Variants in DUS4L observed in about 807,000 individuals in gnomAD.
DUS4L encodes tRNA-dihydrouridine(20a/20b) synthase [NAD(P)+]-like.
Under a neutral mutation model 33.8 loss-of-function variants are expected in DUS4L, and 31 were observed. That is an observed-to-expected ratio of 0.92 (90% CI 0.69 to 1.24). DUS4L has a LOEUF of 1.24. Among genes scored for constraint, DUS4L ranks in the 50% most tolerant of loss-of-function variants. DUS4L has a pLI of 0.00. For missense variants in DUS4L, 368 were observed against 388.6 expected (o/e 0.95, Z 0.45); for synonymous variants, 103 against 120.3 (o/e 0.86, Z 0.94).
At position 107,564,110 on chromosome 7, in the gene DUS4L, C is replaced by G; in HGVS notation, c.-210C>G. On this transcript the variant is annotated 5_prime_UTR_variant, in exon 1 of 8. Coordinates refer to ENST00000265720, the MANE Select transcript of DUS4L (RefSeq NM_181581.3). The stretch of plus-strand genomic sequence containing the variant: ...TCCGAGTGCTCTGCGCCCAGCGCAC[C>G]GAGGGAGCCAAGGCCGTCGGGCCGG... 1.7e-6 allele frequency: 2 copies of G among 1,158,872 alleles called. No individual in the cohort carries two copies. 71.8% of individuals were successfully genotyped at this position (1,158,872 alleles called of 1,614,324 possible).
intron 3 of DUS4L, 50 bp downstream of exon 3, chr7:107,567,236 G>A (rs752823751): frequency 6.5e-6 from 10 of 1,541,802 alleles, no homozygotes; most frequent in Non-Finnish European, 8.9e-6. Flanking sequence ...TCCCTTTTAT[G>A]CTCTGACTTT....
Position 107,567,168 on chromosome 7 carries a change from C to T in DUS4L, c.98C>T (p.Pro33Leu), listed in dbSNP as rs745462122. 73 of 1,612,234 alleles carry T rather than the reference C, an allele frequency of 4.5e-5. No homozygotes were observed. The highest frequency in any genetic ancestry group is 6.1e-5 in the Non-Finnish European group (72 of 1,179,148). ...GGACAGCTGGTAAAAGTCTGTGCCC[C>T]AATGGTTCGATATTCAAAGTAAGTG... ...HSGQLVKVCA[P>L]MVRYSKLAFR... The change falls in exon 3 of 8, where the codon CCA (proline) becomes CTA (leucine). Residue 33 changes from proline to leucine, a missense_variant. Pro to Leu is a moderately conservative substitution (Grantham distance 98). Coordinates refer to ENST00000265720, the MANE Select transcript of DUS4L (RefSeq NM_181581.3).
intron 2 of DUS4L, among the ~76,000 whole-genome samples, chr7:107,566,689 A>G (rs945324195): frequency 3.9e-5 from 6 of 152,174 alleles, no homozygotes; most frequent in Non-Finnish European, 8.8e-5. Context: ...CGAGTATCAT[A>G]TATAAAATAA....
Position 107,567,123 on chromosome 7 carries a change from C to A in DUS4L, c.53C>A (p.Pro18His). The A allele has an allele frequency of 6.2e-7, 1 of 1,613,450 alleles. No homozygotes were observed. Among genetic ancestry groups the A allele is most frequent in the Non-Finnish European group, 8.5e-7 (1 of 1,179,668 alleles). Residue 18 changes from proline to histidine, a missense_variant, in exon 3 of 8, where the codon CCC (proline) becomes CAC (histidine). By Grantham distance (77) the Pro-to-His change is moderately conservative. Coordinates refer to ENST00000265720, the MANE Select transcript of DUS4L (RefSeq NM_181581.3). ...TTICQERKKDPIEMFHSGQLV... is the reference protein window; with the variant it reads ...TTICQERKKDHIEMFHSGQLV... ...ATATGTCAGGAAAGAAAAAAAGATC[C>A]CATAGAAATGTTTCATTCTGGACAG...
Position 107,567,164 on chromosome 7 carries a change from G to C in DUS4L, c.94G>C (p.Ala32Pro). The C allele has an allele frequency of 6.2e-7, 1 of 1,613,082 alleles. No homozygotes were observed. The highest frequency in any genetic ancestry group is 8.5e-7 in the Non-Finnish European group (1 of 1,179,470). Reference sequence around the variant, plus strand: ...TTCTGGACAGCTGGTAAAAGTCTGTGCCCCAATGGTTCGATATTCAAAGTA... The same window carrying C: ...TTCTGGACAGCTGGTAAAAGTCTGTCCCCCAATGGTTCGATATTCAAAGTA... The part of the protein sequence containing the change: ...FHSGQLVKVC[A>P]PMVRYSKLAF... Residue 32 changes from alanine (A) to proline (P), a missense_variant, in exon 3 of 8, where the codon GCC becomes CCC. Transcript: ENST00000265720.
intron 2 of DUS4L, among the ~76,000 whole-genome samples, chr7:107,565,897 G>T (rs979765962): frequency 3.9e-5 from 6 of 152,150 alleles, no homozygotes; most frequent in African/African-American, 1.4e-4. Context: ...TGCAGGAGTG[G>T]ATAAAAATGA....
chr7:107,577,682 GT>G lies in DUS4L; in HGVS notation c.*128del. ...TAGTATAAAAACAATTCCTGGGAGC[GT>G]TTTTTAAAAATCAGTTGTAGACACC... On this transcript the variant is annotated 3_prime_UTR_variant, in exon 8 of 8. Transcript: ENST00000265720. The G allele has an allele frequency of 8.6e-7, 1 of 1,157,200 alleles. No homozygotes were observed. The highest frequency in any genetic ancestry group is 1.2e-6 in the Non-Finnish European group (1 of 845,074). The allele number at this position is 1,157,200 out of a possible 1,614,324, so 71.7% of individuals were successfully genotyped here. A position where few individuals can be genotyped will look rare whatever the true frequency, so the allele number is the denominator to read the frequency against.
At chr7:107,567,271 C>G in intron 3 of DUS4L, 85 bp downstream of exon 3, 1 of 1,101,686 alleles carries the variant, frequency 9.1e-7, no homozygotes, top group East Asian at 2.5e-5. Flanking sequence ...AGACCACCCA[C>G]CATATGGGAA....
At position 107,578,500 on chromosome 7, in the gene DUS4L, T is replaced by C. The variant is rs891081191; in HGVS notation, c.*940T>C. On this transcript the variant is annotated 3_prime_UTR_variant, in exon 8 of 8. Transcript: ENST00000265720. ...ACTGTTTAATTCACGTTTGGGAATA[T>C]TGAATGAATCCATTTTAACATAAGC... is the stretch of plus-strand genomic sequence containing the variant. 11 of 152,264 alleles carry C rather than the reference T, an allele frequency of 7.2e-5. No individual in the cohort carries two copies. Among genetic ancestry groups the C allele is most frequent in the African/African-American group, 2.7e-4 (11 of 41,472 alleles). The allele number at this position is 152,264 out of a possible 1,614,324, so 9.4% of individuals were successfully genotyped here. A position where few individuals can be genotyped will look rare whatever the true frequency, so the allele number is the denominator to read the frequency against.
Position 107,567,080 on chromosome 7 carries a change from G to T in DUS4L, c.10G>T (p.Asp4Tyr). The T allele has an allele frequency of 6.2e-7, 1 of 1,612,790 alleles. No homozygotes were observed. Among genetic ancestry groups the T allele is most frequent in the Non-Finnish European group, 8.5e-7 (1 of 1,179,232 alleles). MKS[D>Y]CMQTTICQER... ...AAACATATCTGTATTAATGAAGAGTGACTGCATGCAAACGACAATATGTCA... is the reference window on the plus strand; with the variant it reads ...AAACATATCTGTATTAATGAAGAGTTACTGCATGCAAACGACAATATGTCA... The change falls in exon 3 of 8, where the codon GAC (aspartate) becomes TAC (tyrosine). Residue 4 changes from aspartate to tyrosine, a missense_variant. Coordinates refer to ENST00000265720, the MANE Select transcript of DUS4L (RefSeq NM_181581.3).
At chr7:107,567,016 T>G in intron 2 of DUS4L, 34 bp from the exon 3 acceptor site, 1 of 1,412,546 alleles carries the variant, frequency 7.1e-7, no homozygotes. Context: ...AGTGAAAACA[T>G]ATTTTCTCTA....
At chr7:107,565,967 C>A (rs1804639737) in intron 2 of DUS4L, among the ~76,000 whole-genome samples, 1 of 152,148 alleles carries the variant, frequency 6.6e-6, no homozygotes, top group South Asian at 2.1e-4. Context: ...TTTTGCCTTA[C>A]TTTGATGTTT....
chr7:107,571,061 C>G, intron 3 of DUS4L, 84 bp from the exon 4 acceptor site: 2 of 1,570,418 alleles, frequency 1.3e-6, no homozygotes, highest in Non-Finnish European at 1.7e-6. Flanking sequence ...ATAGGTAGAA[C>G]TTTCTCTGAT....
intron 2 of DUS4L, among the ~76,000 whole-genome samples, chr7:107,565,218 T>C (rs917585603): frequency 3.9e-5 from 6 of 152,216 alleles, no homozygotes; most frequent in African/African-American, 1.4e-4. Flanking sequence ...CCCTCTACTC[T>C]GCATGCTCTC....
chr7:107,567,096 C>T lies in DUS4L; in HGVS notation c.26C>T (p.Thr9Ile), dbSNP rs759627784. 9 of 1,613,232 alleles carry T rather than the reference C, an allele frequency of 5.6e-6. No homozygotes were observed. Among genetic ancestry groups the T allele is most frequent in the Middle Eastern group, 3.3e-4 (2 of 6,048 alleles). Residue 9 changes from threonine (T) to isoleucine (I), a missense_variant, in exon 3 of 8, where the codon ACA becomes ATA. By Grantham distance (89) the Thr-to-Ile change is moderately conservative. Transcript: ENST00000265720. ...ATGAAGAGTGACTGCATGCAAACGA[C>T]AATATGTCAGGAAAGAAAAAAAGAT... is the stretch of plus-strand genomic sequence containing the variant. MKSDCMQT[T>I]ICQERKKDPI...
At chr7:107,575,093 G>C (rs1197964825) in intron 5 of DUS4L, 95 bp from the exon 6 acceptor site, 21 of 1,519,140 alleles carry the variant, frequency 1.4e-5, no homozygotes, top group South Asian at 8.2e-5. Flanking sequence ...CAGATCACTA[G>C]AGAAATGGAT....
intron 1 of DUS4L, 68 bp from the exon 2 acceptor site, chr7:107,564,520 T>A (rs1335652503): frequency 6.5e-6 from 1 of 153,910 alleles, no homozygotes; most frequent in Non-Finnish European, 1.4e-5. Flanking sequence ...CCAATAAAAC[T>A]CACTGTCTCT....
rs776166235 is a variant in DUS4L at position 107,576,556 on chromosome 7, G to A, written c.670G>A (p.Glu224Lys). The change falls in exon 7 of 8, where the codon GAA (glutamate) becomes AAA (lysine). Residue 224 changes from glutamate (E) to lysine (K), a missense_variant. Coordinates refer to ENST00000265720, the MANE Select transcript of DUS4L (RefSeq NM_181581.3). The part of the protein sequence containing the change: ...IANGDIRSLK[E>K]AENVWRITGT... ...TAATGGAGACATCAGAAGCTTAAAG[G>A]AAGCAGAAAATGTGTGGCGGATTAC... 9.4e-6 allele frequency: 15 copies of A among 1,592,962 alleles called. No homozygotes were observed. Among genetic ancestry groups the A allele is most frequent in the Non-Finnish European group, 1.2e-5 (14 of 1,172,264 alleles).
In DUS4L at chr7:107,575,212, GGCTT is replaced by G. The variant is rs768776897; in HGVS notation, c.386_389del (p.Cys129Ter). On this transcript the variant is annotated frameshift_variant, in exon 6 of 8. Transcript: ENST00000265720. LOFTEE classifies it high-confidence loss of function. Reference sequence around the variant, plus strand: ...GGTGGGCAATGGCAGAAGGTTATGGGGCTTGCTTAATAAACAAGCCAGAGCTTGT... The same window carrying G: ...GGTGGGCAATGGCAGAAGGTTATGGGGCTTAATAAACAAGCCAGAGCTTGT... 435 of 1,609,314 alleles carry G rather than the reference GGCTT, an allele frequency of 2.7e-4. No individual in the cohort carries two copies. The highest frequency in any genetic ancestry group is 3.3e-4 in the Non-Finnish European group (387 of 1,178,866).
Sources: allele counts gnomAD v4.1 joint callset (sites outside exome capture counted in the v4.1 genomes callset), GRCh38; gene constraint gnomAD v4.1.1; transcripts MANE v1.5; gene names NCBI Gene and HGNC (gene_info 2026-07-23, HGNC 2026-07-21).